MARK1: variants seen among roughly 807,000 people sequenced by gnomAD.
MARK1 encodes microtubule affinity regulating kinase 1, also known as serine/threonine-protein kinase MARK1.
MARK1 carries 40 observed loss-of-function variants against 96.3 expected under a neutral mutation model. That is an observed-to-expected ratio of 0.42 (90% CI 0.32 to 0.54). MARK1 has a LOEUF of 0.54. MARK1 is among the 20% of genes least tolerant of loss of function. The probability of loss-of-function intolerance (pLI) is 0.16; values close to 1 mark genes in which losing one functional copy is unlikely to be tolerated. For missense variants in MARK1, 719 were observed against 984.6 expected, an observed-to-expected ratio of 0.73 and a Z score of 3.61; for synonymous variants, 317 against 341.2, an observed-to-expected ratio of 0.93 and a Z score of 0.78.
intron 3 of MARK1, among the ~76,000 whole-genome samples, chr1:220,592,256 T>TATTATATTAC (rs1553324970): frequency 6.1e-5 from 9 of 147,680 alleles, no homozygotes; most frequent in Admixed American, 4.1e-4. Flanking sequence ...TATTATATTA[T>TATTATATTAC]ATTATATTAT....
intron 10 of MARK1, 81 bp from the exon 11 acceptor site, chr1:220,632,120 A>T: frequency 1.7e-6 from 1 of 601,020 alleles, no homozygotes; most frequent in East Asian, 3.0e-5. Flanking sequence ...ATATTCAAAG[A>T]TGGCAAACTT....
At chr1:220,534,376 C>T (rs1237076154) in intron 1 of MARK1, among the ~76,000 whole-genome samples, 1 of 152,024 alleles carries the variant, frequency 6.6e-6, no homozygotes, top group Non-Finnish European at 1.5e-5. Flanking sequence ...ATCTATTGAA[C>T]ACGAGGTCTT....
At chr1:220,550,816 G>A (rs778934167) in intron 1 of MARK1, among the ~76,000 whole-genome samples, 1 of 152,208 alleles carries the variant, frequency 6.6e-6, no homozygotes, top group African/African-American at 2.4e-5. Context: ...CCTTTTAGAA[G>A]TAAGAACGTT....
At chr1:220,626,876 G>T in intron 9 of MARK1, 1 of 470,766 alleles carries the variant, frequency 2.1e-6, no homozygotes, top group Non-Finnish European at 4.2e-6. Context: ...TTTGTCAAGA[G>T]CTTTAACCTG....
intron 1 of MARK1, among the ~76,000 whole-genome samples, chr1:220,556,900 A>G (rs953016679): frequency 5.3e-5 from 8 of 152,216 alleles, no homozygotes; most frequent in Non-Finnish European, 1.2e-4. Flanking sequence ...AGACTGGTTA[A>G]TAAATATGGA....
chr1:220,626,665 T>A (rs1667357666), intron 9 of MARK1: 1 of 346,982 alleles, frequency 2.9e-6, no homozygotes, highest in African/African-American at 2.1e-5. Context: ...CTACTAAAAA[T>A]ACAAAAATTA....
In MARK1 at chr1:220,599,787, T is replaced by A; in HGVS notation, c.359-11T>A. On this transcript the variant is annotated splice_polypyrimidine_tract_variant and intron_variant, in intron 4 of 17. Transcript: ENST00000366917. The stretch of plus-strand genomic sequence containing the variant: ...AACAGTTATAGAGTTATATCTCTAA[T>A]TTTTTTTCAGTAAAATTGTTTGAAG... The A allele has an allele frequency of 6.6e-7, 1 of 1,510,434 alleles. No homozygotes were observed. Among genetic ancestry groups the A allele is most frequent in the Non-Finnish European group, 9.2e-7 (1 of 1,090,868 alleles). The allele number at this position is 1,510,434 out of a possible 1,614,324, so 93.6% of individuals were successfully genotyped here.
chr1:220,639,974 T>C (rs2103025878), intron 13 of MARK1, among the ~76,000 whole-genome samples: 1 of 152,346 alleles, frequency 6.6e-6, no homozygotes, highest in Admixed American at 6.5e-5. Flanking sequence ...ACATTGATGG[T>C]GTGGCCCACA....
intron 6 of MARK1, among the ~76,000 whole-genome samples, chr1:220,610,411 A>G (rs1399097988): frequency 6.6e-6 from 1 of 152,162 alleles, no homozygotes; most frequent in Admixed American, 6.5e-5. Context: ...AGGTCATTTA[A>G]GGTCTTCTCT....
At chr1:220,553,528 T>C (rs1428628885) in intron 1 of MARK1, among the ~76,000 whole-genome samples, 1 of 152,204 alleles carries the variant, frequency 6.6e-6, no homozygotes, top group Non-Finnish European at 1.5e-5. Context: ...GCAATGTAAT[T>C]TGTTCCTTCA....
At chr1:220,544,203 G>C (rs995272501) in intron 1 of MARK1, among the ~76,000 whole-genome samples, 1 of 152,176 alleles carries the variant, frequency 6.6e-6, no homozygotes, top group African/African-American at 2.4e-5. Context: ...TGGGAAGGGA[G>C]ATGGCAACCG....
chr1:220,628,205 A>G (rs748841650), intron 9 of MARK1: 3 of 152,064 alleles, frequency 2.0e-5, no homozygotes, highest in African/African-American at 4.8e-5. Context: ...CCTGTAACCA[A>G]CTGAACCTTA....
intron 13 of MARK1, among the ~76,000 whole-genome samples, chr1:220,647,390 C>T (rs998081150): frequency 2.0e-5 from 3 of 151,974 alleles, no homozygotes; most frequent in African/African-American, 7.3e-5. Context: ...ATTAAAAAGT[C>T]GAGAAACAAC....
chr1:220,597,067 GC>G (rs1453019204), intron 3 of MARK1, among the ~76,000 whole-genome samples: 24 of 152,064 alleles, frequency 1.6e-4, no homozygotes, highest in African/African-American at 5.8e-4. Context: ...CCTTTTTAAG[GC>G]TGAATAATAT....
At chr1:220,649,787 T>C (rs1668773135) in intron 13 of MARK1, among the ~76,000 whole-genome samples, 1 of 152,196 alleles carries the variant, frequency 6.6e-6, no homozygotes, top group African/African-American at 2.4e-5. Context: ...TGCTTATATA[T>C]TTTAAATGCT....
chr1:220,662,214 T>C lies in MARK1; in HGVS notation c.*48T>C, dbSNP rs1191293215. Reference sequence around the variant, plus strand: ...AGGGAAGATACATACATATATGAGGTACAGTTTTTGAATGTACTGGTAATG... The same window carrying C: ...AGGGAAGATACATACATATATGAGGCACAGTTTTTGAATGTACTGGTAATG... On this transcript the variant is annotated 3_prime_UTR_variant, in exon 18 of 18. Coordinates refer to ENST00000366917, the MANE Select transcript of MARK1 (RefSeq NM_018650.5). 7.0e-7 allele frequency: 1 copy of C among 1,429,210 alleles called. No individual in the cohort carries two copies. Among genetic ancestry groups the C allele is most frequent in the Non-Finnish European group, 9.6e-7 (1 of 1,041,374 alleles). The allele number at this position is 1,429,210 out of a possible 1,614,324, so 88.5% of individuals were successfully genotyped here.
intron 1 of MARK1, among the ~76,000 whole-genome samples, chr1:220,535,033 A>G (rs954403159): frequency 1.3e-5 from 2 of 152,082 alleles, no homozygotes; most frequent in Admixed American, 6.5e-5. Flanking sequence ...TTTTTGGATA[A>G]ATACCCAGAA....
At chr1:220,616,020 TAA>T (rs375356667) in intron 7 of MARK1, 25 bp downstream of exon 7, 23,552 of 857,128 alleles carry the variant, frequency 0.027, 429 homozygotes, top group Middle Eastern at 0.078. Context: ...GTAATTTTTT[TAA>T]AAAAAAAATC....
rs779980390 is a variant in MARK1 at position 220,662,020 on chromosome 1, A to G, written c.2242A>G (p.Arg748Gly). 6.8e-6 allele frequency: 11 copies of G among 1,614,114 alleles called. No homozygotes were observed. The highest frequency in any genetic ancestry group is 9.3e-6 in the Non-Finnish European group (11 of 1,180,046). Reference protein sequence around the residue: ...FLLFCVHGDARQDSLVQWEME... With the variant: ...FLLFCVHGDAGQDSLVQWEME... ...GCTTTTCTGTGTCCATGGAGACGCT[A>G]GACAGGATAGCCTCGTGCAGTGGGA... Residue 748 changes from arginine (R) to glycine (G), a missense_variant, in exon 18 of 18, where the codon AGA becomes GGA. Around this residue, in one of 4 missense-constraint regions of MARK1, gnomAD observed 501 missense variants for 588.3 expected, o/e 0.85. Transcript: ENST00000366917.
Sources: allele counts gnomAD v4.1 joint callset (sites outside exome capture counted in the v4.1 genomes callset), GRCh38; gene constraint gnomAD v4.1.1; regional missense constraint gnomAD v4.1.1; transcripts MANE v1.5; gene names NCBI Gene and HGNC (gene_info 2026-07-23, HGNC 2026-07-21).